The following FBXO34 variants were observed in gnomAD, a reference collection of about 807,000 sequenced individuals.
FBXO34 encodes the protein F-box only protein 34.
In FBXO34, 12 loss-of-function variants were observed where a neutral mutation model predicts 24.5. The ratio of observed to expected loss-of-function variants is 0.49; its 90% confidence interval spans 0.31 to 0.79. The LOEUF (loss-of-function observed/expected upper bound fraction) is 0.79. Among genes scored for constraint, FBXO34 ranks in the 30% least tolerant of loss-of-function variants. The pLI is 0.04. For missense variants in FBXO34, 823 were observed against 857.7 expected, an observed-to-expected ratio of 0.96 and a Z score of 0.51; for synonymous variants, 320 against 311.9, an observed-to-expected ratio of 1.03 and a Z score of -0.27.
chr14:55,441,678 T>C, the FBXO34 span, among the ~76,000 whole-genome samples: 1 of 152,218 alleles, frequency 6.6e-6, no homozygotes, highest in Non-Finnish European at 1.5e-5. Flanking sequence ...AGAGAGGGTT[T>C]CTCTTTCCTG....
chr14:55,345,987 A>C (rs965256909), intron 1 of FBXO34, among the ~76,000 whole-genome samples: 21 of 152,362 alleles, frequency 1.4e-4, no homozygotes, highest in African/African-American at 4.8e-4. Context: ...CCTGGGTGAC[A>C]GAGGAAGGCC....
chr14:55,428,098 A>G, the FBXO34 span, among the ~76,000 whole-genome samples: 1 of 122,400 alleles, frequency 8.2e-6, no homozygotes, highest in Non-Finnish European at 1.6e-5. Flanking sequence ...CTACCGGCCT[A>G]GTCCATTTCA....
downstream of FBXO34, among the ~76,000 whole-genome samples, chr14:55,374,285 T>C (rs1030386429): frequency 2.6e-5 from 4 of 152,216 alleles, no homozygotes; most frequent in Non-Finnish European, 4.4e-5. Flanking sequence ...TTCACAAAAG[T>C]GATCACAGTT....
intron 1 of FBXO34, among the ~76,000 whole-genome samples, chr14:55,323,218 A>AAAAAAAAT (rs1566555819): frequency 9.5e-5 from 3 of 31,622 alleles, no homozygotes; most frequent in Non-Finnish European, 1.3e-4. Context: ...AAAAAAAAAA[A>AAAAAAAAT]ATATATATTT....
intron 1 of FBXO34, among the ~76,000 whole-genome samples, chr14:55,315,640 G>T (rs1422619166): frequency 2.0e-5 from 3 of 152,130 alleles, no homozygotes; most frequent in Admixed American, 1.3e-4. Flanking sequence ...AATTTAGCTT[G>T]AAATTTTCCT....
chr14:55,413,739 A>G, the FBXO34 span: 5 of 307,162 alleles, frequency 1.6e-5, no homozygotes, highest in African/African-American at 2.2e-5. Flanking sequence ...TTAGAGTGCC[A>G]AGGCCCAGGC....
intron 1 of FBXO34, among the ~76,000 whole-genome samples, chr14:55,348,996 A>G (rs1020246510): frequency 3.3e-5 from 5 of 152,146 alleles, no homozygotes; most frequent in Non-Finnish European, 7.3e-5. Context: ...GTGAAACTTC[A>G]CGTGCTTAGA....
At chr14:55,322,067 A>G (rs1434418054) in intron 1 of FBXO34, among the ~76,000 whole-genome samples, 1 of 152,200 alleles carries the variant, frequency 6.6e-6, no homozygotes, top group Non-Finnish European at 1.5e-5. Flanking sequence ...TCACGCCTGT[A>G]ATCCCAGCAC....
At chr14:55,324,095 T>TC (rs996694525) in intron 1 of FBXO34, among the ~76,000 whole-genome samples, 3 of 151,658 alleles carry the variant, frequency 2.0e-5, no homozygotes, top group African/African-American at 7.3e-5. Flanking sequence ...CATTCCCTCC[T>TC]CCCCCCCAGT....
the FBXO34 span, among the ~76,000 whole-genome samples, chr14:55,441,589 G>A: frequency 2.6e-5 from 4 of 152,096 alleles, no homozygotes; most frequent in Non-Finnish European, 5.9e-5. Flanking sequence ...TGAGCGTTCC[G>A]TCTAAAGCCA....
intron 1 of FBXO34, chr14:55,299,225 G>T: frequency 1.1e-6 from 1 of 875,320 alleles, no homozygotes; most frequent in Non-Finnish European, 2.0e-6. Context: ...CTGCCAAGAA[G>T]AGGAAGACGA....
At chr14:55,410,901 TC>T in the FBXO34 span, among the ~76,000 whole-genome samples, 4 of 147,918 alleles carry the variant, frequency 2.7e-5, no homozygotes, top group Non-Finnish European at 6.0e-5. Context: ...TTTTCAATTT[TC>T]TTAACCAAGA....
At chr14:55,435,465 G>A in the FBXO34 span, among the ~76,000 whole-genome samples, 7 of 151,938 alleles carry the variant, frequency 4.6e-5, no homozygotes, top group African/African-American at 1.7e-4. Flanking sequence ...TAGTAGAGAC[G>A]GGATTTCACC....
At chr14:55,297,098 G>T (rs954475119) in intron 1 of FBXO34, among the ~76,000 whole-genome samples, 4 of 152,096 alleles carry the variant, frequency 2.6e-5, no homozygotes, top group Non-Finnish European at 4.4e-5. Flanking sequence ...TACAGTACAC[G>T]TGGCTGGCAG....
chr14:55,344,423 T>C (rs984510813), intron 1 of FBXO34, among the ~76,000 whole-genome samples: 1 of 152,160 alleles, frequency 6.6e-6, no homozygotes, highest in East Asian at 1.9e-4. Context: ...CATTGAAATG[T>C]TTCTGTGACA....
chr14:55,334,706 G>T (rs1424648571), intron 1 of FBXO34, among the ~76,000 whole-genome samples: 1 of 152,136 alleles, frequency 6.6e-6, no homozygotes, highest in Non-Finnish European at 1.5e-5. Context: ...AGGAACTCAG[G>T]CGGAAGCTCT....
chr14:55,323,225 A>ATTAT (rs1883220662), intron 1 of FBXO34, among the ~76,000 whole-genome samples: 1 of 19,204 alleles, frequency 5.2e-5, no homozygotes, highest in Non-Finnish European at 7.0e-5. Flanking sequence ...AAAAATATAT[A>ATTAT]TTTTTTTTTT....
the FBXO34 span, chr14:55,414,030 G>A: frequency 5.6e-6 from 3 of 540,458 alleles, no homozygotes; most frequent in Non-Finnish European, 1.1e-5. Flanking sequence ...TGTATCAGGT[G>A]CCTCACCTCT....
Position 55,323,225 on chromosome 14 carries a change from A to ATT in FBXO34, c.-10-27134_-10-27133dup, listed in dbSNP as rs1194283087. Reference sequence around the variant, plus strand: ...AAAAAAAAAAAAAAAAAAAATATATATTTTTTTTTTTTTTTTTTTTTTTAG... The same window carrying ATT: ...AAAAAAAAAAAAAAAAAAAATATATATTTTTTTTTTTTTTTTTTTTTTTTTAG... On this transcript the variant is annotated intron_variant, in intron 1 of 1. Transcript: ENST00000313833. Among the ~76,000 whole-genome samples, 16 of 19,190 alleles carry ATT rather than the reference A, an allele frequency of 8.3e-4. 1 individual carries two copies. Among genetic ancestry groups the ATT allele is most frequent in the East Asian group, 5.6e-3 (4 of 712 alleles). The allele number at this position is 19,190 out of a possible 152,430, so 12.6% of individuals were successfully genotyped here.
Sources: gnomAD v4.1 joint callset for allele counts (sites outside exome capture counted in the v4.1 genomes callset) on GRCh38, gnomAD v4.1.1 for gene constraint, MANE v1.5 for transcripts, NCBI Gene and HGNC (gene_info 2026-07-23, HGNC 2026-07-21) for gene names.